IQSEC1: variants seen among roughly 807,000 people sequenced by gnomAD.
IQSEC1 encodes IQ motif and SEC7 domain-containing protein 1.
In IQSEC1, 31 loss-of-function variants were observed where a neutral mutation model predicts 91.0. That is an observed-to-expected ratio of 0.34 (90% confidence interval 0.26 to 0.46). The LOEUF (loss-of-function observed/expected upper bound fraction) is 0.46, where lower values mean the gene tolerates loss of function less well. Among genes scored for constraint, IQSEC1 ranks in the 20% least tolerant of loss-of-function variants. The probability of loss-of-function intolerance (pLI) is 1.00; values close to 1 mark genes in which losing one functional copy is unlikely to be tolerated. For synonymous variants in IQSEC1, 699 were observed against 662.6 expected, an observed-to-expected ratio of 1.05 and a Z score of -0.84; for missense variants, 1,388 against 1,575.6, an observed-to-expected ratio of 0.88 and a Z score of 2.02.
chr3:13,157,764 C>T (rs6442355), intron 2 of IQSEC1, among the ~76,000 whole-genome samples: 9 of 151,990 alleles, frequency 5.9e-5, no homozygotes, highest in Middle Eastern at 3.2e-3. Context: ...TGAGCAGCCG[C>T]GTCTCCACAG....
chr3:13,204,219 G>A (rs554323961), intron 1 of IQSEC1, among the ~76,000 whole-genome samples: 3 of 152,388 alleles, frequency 2.0e-5, no homozygotes, highest in Non-Finnish European at 4.4e-5. Flanking sequence ...CCCGCCCGCC[G>A]CCTCCACGTG....
rs1481350929 is a variant in IQSEC1, at chr3:12,920,542, G to A, written c.1908C>T (p.Asp636=). ...TGGCGAAGGCCAGGATGAAAATGGTGTCTGGGTTCCGGAATTGCCGCACCA... is the reference window on the plus strand; with the variant it reads ...TGGCGAAGGCCAGGATGAAAATGGTATCTGGGTTCCGGAATTGCCGCACCA... ...PGVVRQFRNP[D]TIFILAFAII... Residue 636 remains aspartate, a synonymous_variant, in exon 6 of 14, where the codon GAC becomes GAT. Transcript: ENST00000613206. 8 of 1,614,094 alleles carry A rather than the reference G, an allele frequency of 5.0e-6. No individual in the cohort carries two copies. The Admixed American group carries it at 1.2e-4, about 24-fold the overall frequency.
At chr3:12,977,396 T>C (rs921157467) in intron 1 of IQSEC1, among the ~76,000 whole-genome samples, 2 of 150,952 alleles carry the variant, frequency 1.3e-5, no homozygotes, top group African/African-American at 4.9e-5. Context: ...CGAATGGCCA[T>C]CCTTGGTATA....
intron 2 of IQSEC1, among the ~76,000 whole-genome samples, chr3:13,126,992 G>A (rs1039681595): frequency 1.3e-5 from 2 of 152,172 alleles, no homozygotes; most frequent in African/African-American, 2.4e-5. Flanking sequence ...AAGGTATGAG[G>A]TTCACTTTTT....
At chr3:13,046,930 C>CT (rs1228573225) in intron 1 of IQSEC1, among the ~76,000 whole-genome samples, 10 of 152,262 alleles carry the variant, frequency 6.6e-5, no homozygotes. Flanking sequence ...ATCAAGGGAG[C>CT]TTTCCTCTAA....
Position 13,205,868 on chromosome 3 carries a change from C to T in IQSEC1, c.273-41735G>A, listed in dbSNP as rs539814375. Among the ~76,000 whole-genome samples the T allele has an allele frequency of 4.0e-5, 6 of 150,834 alleles. No individual in the cohort carries two copies. The East Asian group carries it at 9.8e-4, about 25-fold the overall frequency. On this transcript the variant is annotated intron_variant, in intron 1 of 15. Coordinates refer to the IQSEC1 transcript ENST00000648114. ...CCCATCCATCCAACTATCCCTTCAT[C>T]CACTCATCGATCCCCCCATTCATCC...
chr3:13,103,575 A>T lies in IQSEC1; in HGVS notation c.303-56053T>A, dbSNP rs752157704. ...CCAAGAATCAGGGAGGCCAAGCAGC[A>T]GCTGGCAAGAGCCAGAGCCGAGTGT... is the stretch of plus-strand genomic sequence containing the variant. On this transcript the variant is annotated intron_variant, in intron 2 of 15. Transcript: ENST00000648114. This position sits in a 1 kb window ranked among gnomAD's most constrained non-coding sequence, Gnocchi z 4.1. Among the ~76,000 whole-genome samples, 3 of 152,136 alleles carry T rather than the reference A, an allele frequency of 2.0e-5. No homozygotes were observed. The highest frequency in any genetic ancestry group is 4.4e-5 in the Non-Finnish European group (3 of 68,028).
intron 1 of IQSEC1, among the ~76,000 whole-genome samples, chr3:13,061,007 C>CCA (rs1267873275): frequency 6.6e-6 from 1 of 152,180 alleles, no homozygotes; most frequent in Non-Finnish European, 1.5e-5. Flanking sequence ...AGGTCTTTTC[C>CCA]CATTACCTCC....
At chr3:13,129,464 T>C (rs544738779) in intron 2 of IQSEC1, among the ~76,000 whole-genome samples, 23 of 152,328 alleles carry the variant, frequency 1.5e-4, no homozygotes, top group African/African-American at 2.2e-4. Context: ...ATGGTTTTTC[T>C]GTTTTTCATT....
intron 2 of IQSEC1, among the ~76,000 whole-genome samples, chr3:13,113,627 G>T (rs906199580): frequency 6.6e-6 from 1 of 152,214 alleles, no homozygotes; most frequent in African/African-American, 2.4e-5. Flanking sequence ...GGGAGGAGAA[G>T]TGCATGCGGC....
intron 1 of IQSEC1, among the ~76,000 whole-genome samples, chr3:13,273,696 C>G (rs1038617093): frequency 3.3e-5 from 5 of 152,172 alleles, no homozygotes; most frequent in African/African-American, 1.2e-4. Flanking sequence ...CATGCCTGCC[C>G]CAGGGGCCAG....
intron 2 of IQSEC1, among the ~76,000 whole-genome samples, chr3:13,085,165 C>G (rs895830864): frequency 6.6e-6 from 1 of 152,182 alleles, no homozygotes; most frequent in East Asian, 1.9e-4. Context: ...AAAGCTATTA[C>G]TGAGTCCATT....
intron 2 of IQSEC1, among the ~76,000 whole-genome samples, chr3:13,127,286 C>T (rs565883110): frequency 3.3e-5 from 5 of 152,140 alleles, no homozygotes; most frequent in Non-Finnish European, 5.9e-5. Context: ...TGGTGGCAGG[C>T]GCCTGTAATC....
intron 1 of IQSEC1, among the ~76,000 whole-genome samples, chr3:13,278,763 G>A (rs1420006977): frequency 1.3e-5 from 2 of 151,542 alleles, no homozygotes; most frequent in Non-Finnish European, 2.9e-5. Flanking sequence ...AACTTTCAGT[G>A]AGCCGAGATC....
At chr3:13,002,595 T>C (rs944901836) in intron 1 of IQSEC1, among the ~76,000 whole-genome samples, 4 of 149,252 alleles carry the variant, frequency 2.7e-5, no homozygotes, top group African/African-American at 9.8e-5. Flanking sequence ...ATTATATAAC[T>C]GATACTGGAA....
rs1705490106 is a variant in IQSEC1, at chr3:13,073,094, C to A, written c.-80G>T. ...ACGTGTTTCCAAGAGGAGCAGGCGG[C>A]TCAGGCAAGAAGTGGAGGGGAATAA... On this transcript the variant is annotated 5_prime_UTR_variant, in exon 1 of 14. Coordinates refer to ENST00000613206, the MANE Select transcript of IQSEC1 (RefSeq NM_001134382.3). 2.6e-6 allele frequency: 4 copies of A among 1,521,210 alleles called. No homozygotes were observed. The highest frequency in any genetic ancestry group is 3.6e-6 in the Non-Finnish European group (4 of 1,119,796). 94.2% of individuals were successfully genotyped at this position (1,521,210 alleles called of 1,614,324 possible).
rs549884716 is a variant in IQSEC1, at chr3:12,934,110, G to A, written c.1568+1338C>T. ...GGGACCGTGTCAGGTGGGCCAGCAG[G>A]ATGCAACCCTCCCCTGTCCAGCGCA... On this transcript the variant is annotated intron_variant, in intron 3 of 13. Transcript: ENST00000613206. Among the ~76,000 whole-genome samples the A allele has an allele frequency of 2.4e-3, 372 of 152,310 alleles. 4 individuals carry two copies. Among genetic ancestry groups the A allele is most frequent in the African/African-American group, 8.6e-3 (357 of 41,550 alleles).
intron 3 of IQSEC1, among the ~76,000 whole-genome samples, chr3:12,934,184 G>A (rs1697958998): frequency 6.6e-6 from 1 of 152,228 alleles, no homozygotes. Context: ...GTACTCTGCA[G>A]CAAGCCACAG....
intron 3 of IQSEC1, among the ~76,000 whole-genome samples, chr3:12,928,133 G>T (rs889563627): frequency 1.6e-4 from 24 of 152,058 alleles, no homozygotes; most frequent in African/African-American, 5.6e-4. Context: ...GCTCCTGTGG[G>T]CACCTGGCCA....
Sources: allele counts gnomAD v4.1 joint callset (sites outside exome capture counted in the v4.1 genomes callset), GRCh38; gene constraint gnomAD v4.1.1; non-coding constraint Gnocchi (gnomAD v3.1); transcripts MANE v1.5; gene names NCBI Gene and HGNC (gene_info 2026-07-23, HGNC 2026-07-21).